The following FAR2 variants were observed in gnomAD, a reference collection of about 807,000 sequenced individuals.
The protein encoded by FAR2 is epididymis secretory protein Li 81.
A neutral mutation model predicts 56.0 loss-of-function variants in FAR2; 19 were observed. The ratio of observed to expected loss-of-function variants is 0.34; its 90% CI spans 0.24 to 0.50. FAR2 has a LOEUF of 0.50. FAR2 is among the 20% of genes least tolerant of loss of function. The pLI, the probability that FAR2 is intolerant of heterozygous loss-of-function variation, is 0.98. For missense variants in FAR2, 508 were observed against 642.2 expected (o/e 0.79, Z 2.26); for synonymous variants, 219 against 218.8 (o/e 1.00, Z -0.01).
At chr12:29,263,763 A>G (rs1442765018) in intron 1 of FAR2, among the ~76,000 whole-genome samples, 1 of 151,220 alleles carries the variant, frequency 6.6e-6, no homozygotes, top group Non-Finnish European at 1.5e-5. Flanking sequence ...GCCATGAACA[A>G]ATTCAAAACC....
At chr12:29,199,026 A>G (rs1947370515) in intron 1 of FAR2, among the ~76,000 whole-genome samples, 1 of 152,204 alleles carries the variant, frequency 6.6e-6, no homozygotes, top group Admixed American at 6.5e-5. Flanking sequence ...ACAGATGTGC[A>G]AACAATTGCA....
intron 1 of FAR2, among the ~76,000 whole-genome samples, chr12:29,263,286 G>A (rs1364716158): frequency 1.3e-5 from 2 of 152,148 alleles, no homozygotes; most frequent in Admixed American, 6.5e-5. Flanking sequence ...AATCTGCACT[G>A]TAGATCAAAT....
chr12:29,332,903 T>C (rs1034407428), intron 11 of FAR2, 176 bp downstream of exon 11: 1 of 699,184 alleles, frequency 1.4e-6, no homozygotes, highest in African/African-American at 1.8e-5. Flanking sequence ...ACCACACCTC[T>C]ATGAGGCAAG....
At chr12:29,228,275 A>G (rs1438905076) in intron 1 of FAR2, among the ~76,000 whole-genome samples, 1 of 152,218 alleles carries the variant, frequency 6.6e-6, no homozygotes, top group Admixed American at 6.5e-5. Context: ...AAATGAAACA[A>G]ATGAACAACA....
intron 1 of FAR2, among the ~76,000 whole-genome samples, chr12:29,241,607 C>T (rs893851490): frequency 6.6e-6 from 1 of 152,124 alleles, no homozygotes; most frequent in Non-Finnish European, 1.5e-5. Flanking sequence ...CACAACCTGA[C>T]AATGTTCTCA....
Position 29,316,863 on chromosome 12 carries a change from T to A in FAR2, c.978T>A (p.Phe326Leu). 6.2e-7 allele frequency: 1 copy of A among 1,614,130 alleles called. No homozygotes were observed. The highest frequency in any genetic ancestry group is 1.1e-5 in the South Asian group (1 of 91,072). ...HKMGVQVLAT[F>L]EKIPFERPFR... ...CAGGAGTCCAAGTCTTGGCAACCTT[T>A]GAAAAAATCCCATTTGAGAGACCTT... Residue 326 changes from phenylalanine to leucine, a missense_variant, in exon 9 of 12, where the codon TTT (phenylalanine) becomes TTA (leucine). Phe to Leu is a conservative substitution (Grantham distance 22). Transcript: ENST00000536681.
intron 1 of FAR2, among the ~76,000 whole-genome samples, chr12:29,158,862 G>T (rs1337501984): frequency 6.6e-6 from 1 of 152,200 alleles, no homozygotes; most frequent in Non-Finnish European, 1.5e-5. Context: ...ACGTAAAGTG[G>T]CTTGTCACAC....
chr12:29,264,552 A>AT (rs1438267150), intron 1 of FAR2, among the ~76,000 whole-genome samples: 1 of 151,930 alleles, frequency 6.6e-6, no homozygotes, highest in African/African-American at 2.4e-5. Context: ...AGGTGGGAGC[A>AT]TTGCTTGACC....
chr12:29,258,393 A>G (rs1043114479), intron 1 of FAR2, among the ~76,000 whole-genome samples: 1 of 152,212 alleles, frequency 6.6e-6, no homozygotes, highest in Non-Finnish European at 1.5e-5. Context: ...TATGTAATAG[A>G]CATTACATAA....
chr12:29,156,117 A>G (rs759599111), intron 1 of FAR2, among the ~76,000 whole-genome samples: 6 of 151,894 alleles, frequency 4.0e-5, no homozygotes, highest in Non-Finnish European at 8.8e-5. Flanking sequence ...AGGTGGGGGG[A>G]AGTTACTGGT....
At chr12:29,175,282 C>T (rs560086633) in intron 1 of FAR2, among the ~76,000 whole-genome samples, 3 of 152,316 alleles carry the variant, frequency 2.0e-5, no homozygotes, top group Admixed American at 6.5e-5. Context: ...AATGAAGCCG[C>T]GGACCTTCGT....
At chr12:29,256,124 G>T (rs559435713) in intron 1 of FAR2, among the ~76,000 whole-genome samples, 4 of 152,054 alleles carry the variant, frequency 2.6e-5, no homozygotes, top group African/African-American at 9.6e-5. Flanking sequence ...CACCCACCTC[G>T]GCCTCCCAGA....
chr12:29,268,373 A>G (rs1948554891), intron 1 of FAR2, among the ~76,000 whole-genome samples: 1 of 152,182 alleles, frequency 6.6e-6, no homozygotes, highest in Non-Finnish European at 1.5e-5. Context: ...GCTGTCTCCA[A>G]TCAATTATCT....
intron 1 of FAR2, among the ~76,000 whole-genome samples, chr12:29,257,251 A>G (rs1948334334): frequency 6.6e-6 from 1 of 151,884 alleles, no homozygotes; most frequent in South Asian, 2.1e-4. Flanking sequence ...GCACCAATTG[A>G]CACACTGTAT....
At chr12:29,220,879 G>C (rs1310640320) in intron 1 of FAR2, among the ~76,000 whole-genome samples, 1 of 152,152 alleles carries the variant, frequency 6.6e-6, no homozygotes, top group African/African-American at 2.4e-5. Flanking sequence ...GAGAGATCAA[G>C]TGCATGGTTT....
chr12:29,218,828 A>G (rs1281065213), intron 1 of FAR2, among the ~76,000 whole-genome samples: 2 of 152,170 alleles, frequency 1.3e-5, no homozygotes, highest in Non-Finnish European at 1.5e-5. Context: ...AAATCAGAAG[A>G]TAATGGAATG....
intron 1 of FAR2, among the ~76,000 whole-genome samples, chr12:29,234,380 C>T (rs1947903748): frequency 6.6e-6 from 1 of 152,114 alleles, no homozygotes; most frequent in South Asian, 2.1e-4. Flanking sequence ...GAAGTCATCC[C>T]TCTTCAGCCT....
At chr12:29,156,942 G>A (rs1358254194) in intron 1 of FAR2, 1 of 151,724 alleles carries the variant, frequency 6.6e-6, no homozygotes, top group Non-Finnish European at 1.5e-5. Flanking sequence ...AGGGTGTGCT[G>A]TGTGATCACA....
rs747516703 is a variant in FAR2 at position 29,309,143 on chromosome 12, A to AT, written c.724-39dup. 4 of 1,449,552 alleles carry AT rather than the reference A, an allele frequency of 2.8e-6. No individual in the cohort carries two copies. In the Admixed American group the frequency reaches 6.9e-5, roughly 25 times the overall value. 89.8% of individuals were successfully genotyped at this position (1,449,552 alleles called of 1,614,324 possible). A position where few individuals can be genotyped will look rare whatever the true frequency, so the allele number is the denominator to read the frequency against. ...CTGCAGATGTTCCAAAGATAAAACA[A>AT]TTTTCTGAAATGTGTAACCAATAGA... On this transcript the variant is annotated intron_variant, in intron 5 of 11. Transcript: ENST00000536681.
Sources: allele counts gnomAD v4.1 joint callset (sites outside exome capture counted in the v4.1 genomes callset), GRCh38; gene constraint gnomAD v4.1.1; transcripts MANE v1.5; gene names NCBI Gene and HGNC (gene_info 2026-07-23, HGNC 2026-07-21).